The following PRDX4 variants were observed in gnomAD, a reference collection of about 807,000 sequenced individuals.
The protein encoded by PRDX4 is peroxiredoxin-4.
In PRDX4, 12 loss-of-function variants were observed where a neutral mutation model predicts 20.5. The ratio of observed to expected loss-of-function variants is 0.58; its 90% CI spans 0.37 to 0.95. The LOEUF (loss-of-function observed/expected upper bound fraction) is 0.95. Ranked by LOEUF, PRDX4 falls within the 40% of genes least tolerant of loss-of-function variation. The pLI is 0.01. For synonymous variants in PRDX4, 99 were observed against 87.5 expected (o/e 1.13, Z -0.73); for missense variants, 180 against 207.3 (o/e 0.87, Z 0.81).
intron 4 of PRDX4, among the ~76,000 whole-genome samples, chrX:23,680,291 T>C (rs1928040572): frequency 8.9e-6 from 1 of 112,106 alleles, no homozygotes; most frequent in South Asian, 3.6e-4. Context: ...TCCAGTAATG[T>C]TTTTTTCTAA....
At chrX:23,667,970 G>A in intron 1 of PRDX4, among the ~76,000 whole-genome samples, 159 bp downstream of exon 1, 1 of 111,949 alleles carries the variant, frequency 8.9e-6, no homozygotes. Flanking sequence ...GGGAATAAAG[G>A]GGAGTTCTAG....
At chrX:23,669,015 G>A (rs1405433328) in intron 1 of PRDX4, among the ~76,000 whole-genome samples, 1 of 109,299 alleles carries the variant, frequency 9.1e-6, no homozygotes, top group Non-Finnish European at 1.9e-5. Context: ...AACCTCCGCC[G>A]CCCGGGTTCA....
intron 4 of PRDX4, among the ~76,000 whole-genome samples, chrX:23,679,846 GT>G (rs1262443647): frequency 9.1e-6 from 1 of 109,993 alleles, no homozygotes; most frequent in African/African-American, 3.3e-5. Flanking sequence ...GCTGGGCATA[GT>G]GGCATACGCT....
intron 4 of PRDX4, among the ~76,000 whole-genome samples, chrX:23,681,182 G>A (rs888533029): frequency 3.6e-5 from 4 of 111,406 alleles, no homozygotes; most frequent in Admixed American, 9.6e-5. Context: ...GCAGTGAGCC[G>A]AGATCGCGCC....
chrX:23,677,471 T>C (rs1470576430), intron 3 of PRDX4, among the ~76,000 whole-genome samples: 1 of 111,783 alleles, frequency 8.9e-6, no homozygotes, highest in Non-Finnish European at 1.9e-5. Flanking sequence ...TATGCAGATA[T>C]ACCAAAATCG....
At chrX:23,684,004 T>C (rs1355440392) in intron 6 of PRDX4, among the ~76,000 whole-genome samples, 2 of 94,890 alleles carry the variant, frequency 2.1e-5, no homozygotes, top group African/African-American at 4.0e-5. Context: ...GCCGAGATCA[T>C]GCCACTGCAC....
In PRDX4 at chrX:23,682,520, G is replaced by C. The variant is rs776672999; in HGVS notation, c.724G>C (p.Gly242Arg). ...AGCATTCCAGTACACTGACAAACAC[G>C]GAGAAGGTACCTCTCCCTTCTAACC... is the stretch of plus-strand genomic sequence containing the variant. ...VQAFQYTDKH[G>R]EVCPAGWKPG... is the part of the protein sequence containing the mutation. The change falls in exon 5 of 7, where the codon GGA becomes CGA. Residue 242 changes from glycine to arginine, a missense_variant. Coordinates refer to ENST00000379341, the MANE Select transcript of PRDX4 (RefSeq NM_006406.2). The C allele has an allele frequency of 3.5e-6, 4 of 1,157,996 alleles. No homozygotes were observed. The highest frequency in any genetic ancestry group is 4.6e-6 in the Non-Finnish European group (4 of 865,129).
intron 3 of PRDX4, 159 bp downstream of exon 3, chrX:23,675,265 G>A (rs1927924650): frequency 2.0e-6 from 2 of 1,012,788 alleles, no homozygotes; most frequent in African/African-American, 1.9e-5. Flanking sequence ...ACATTTTCCA[G>A]GTTAAAAAAA....
At chrX:23,682,576 A>G (rs795489) in intron 5 of PRDX4, 50 bp downstream of exon 5, 414,588 of 992,938 alleles carry the variant, frequency 0.42, 62,637 homozygotes, top group Admixed American at 0.52. Flanking sequence ...AGATAGCATA[A>G]TTAGTTAGGT....
chrX:23,684,502 A>AT (rs758947822), intron 6 of PRDX4, among the ~76,000 whole-genome samples: 146 of 109,722 alleles, frequency 1.3e-3, no homozygotes, highest in African/African-American at 4.8e-3. Context: ...AGGCTGTATA[A>AT]TTTTTTTTTC....
At chrX:23,673,527 C>T (rs965028411) in intron 2 of PRDX4, among the ~76,000 whole-genome samples, 1 of 112,134 alleles carries the variant, frequency 8.9e-6, no homozygotes, top group East Asian at 2.8e-4. Context: ...CCAACATGGG[C>T]GGATCACCTG....
chrX:23,671,386 CTT>C, intron 1 of PRDX4, 141 bp from the exon 2 acceptor site: 3 of 426,004 alleles, frequency 7.0e-6, no homozygotes, highest in Non-Finnish European at 1.2e-5. Flanking sequence ...CAATAACACT[CTT>C]TTAAGAAGTC....
In PRDX4 at chrX:23,679,454, G is replaced by A. The variant is rs571440051; in HGVS notation, c.599+167G>A. Among the ~76,000 whole-genome samples the A allele has an allele frequency of 9.8e-5, 11 of 111,747 alleles. No homozygotes were observed. The South Asian group carries it at 1.5e-3, about 15-fold the overall frequency. On this transcript the variant is annotated intron_variant, in intron 4 of 6. Coordinates refer to ENST00000379341, the MANE Select transcript of PRDX4 (RefSeq NM_006406.2). ...AATCCTGGCACTTTGGGAGGCCACGGTGGGCAGATTACTTGAGGTCAGGAG... is the reference window on the plus strand; with the variant it reads ...AATCCTGGCACTTTGGGAGGCCACGATGGGCAGATTACTTGAGGTCAGGAG...
chrX:23,684,849 A>G (rs1239177190), intron 6 of PRDX4, among the ~76,000 whole-genome samples: 1 of 111,897 alleles, frequency 8.9e-6, no homozygotes, highest in Non-Finnish European at 1.9e-5. Flanking sequence ...CTAAAATTAG[A>G]ATTAGGATAT....
At position 23,679,376 on chromosome X, in the gene PRDX4, A is replaced by C. The variant is rs1415058836; in HGVS notation, c.599+89A>C. ...ATGTTATTTATGAAATAGAAGAACA[A>C]ATTTTGATCAAGAAATATAATTTTG... On this transcript the variant is annotated intron_variant, in intron 4 of 6. Transcript: ENST00000379341. 3.0e-6 allele frequency: 3 copies of C among 994,107 alleles called. No homozygotes were observed. In the Admixed American group the frequency reaches 9.6e-5, roughly 32 times the overall value. 81.9% of individuals were successfully genotyped at this position (994,107 alleles called of 1,213,427 possible). A position where few individuals can be genotyped will look rare whatever the true frequency, so the allele number is the denominator to read the frequency against.
intron 4 of PRDX4, among the ~76,000 whole-genome samples, chrX:23,680,433 A>G (rs1262720936): frequency 2.7e-5 from 3 of 112,232 alleles, no homozygotes; most frequent in Middle Eastern, 4.6e-3. Flanking sequence ...AAAGGGGGCA[A>G]TTTTAGTGTG....
At chrX:23,673,995 A>G (rs1163834047) in intron 2 of PRDX4, among the ~76,000 whole-genome samples, 1 of 111,013 alleles carries the variant, frequency 9.0e-6, no homozygotes, top group African/African-American at 3.3e-5. Flanking sequence ...GTCTCACAGT[A>G]GGAAATACAT....
At chrX:23,684,164 T>C (rs1233410666) in intron 6 of PRDX4, among the ~76,000 whole-genome samples, 1 of 110,590 alleles carries the variant, frequency 9.0e-6, no homozygotes, top group Non-Finnish European at 1.9e-5. Flanking sequence ...CAGACATTCT[T>C]TGGCCTGTAG....
At chrX:23,677,159 T>C (rs1284717183) in intron 3 of PRDX4, among the ~76,000 whole-genome samples, 1 of 111,700 alleles carries the variant, frequency 9.0e-6, no homozygotes, top group African/African-American at 3.3e-5. Flanking sequence ...CCAAGGAAAT[T>C]TGGGGATACA....
Sources: gnomAD v4.1 joint callset for allele counts (sites outside exome capture counted in the v4.1 genomes callset) on GRCh38, gnomAD v4.1.1 for gene constraint, MANE v1.5 for transcripts, NCBI Gene and HGNC (gene_info 2026-07-23, HGNC 2026-07-21) for gene names.